Variants in MYRFL observed in about 807,000 individuals in gnomAD.
MYRFL encodes myelin regulatory factor-like protein.
MYRFL carries 88 observed loss-of-function variants against 109.4 expected under a neutral mutation model. That is an observed-to-expected ratio of 0.80 (90% CI 0.68 to 0.96). The LOEUF (loss-of-function observed/expected upper bound fraction) is 0.96, where lower values mean the gene tolerates loss of function less well. Among genes scored for constraint, MYRFL ranks in the 40% least tolerant of loss-of-function variants. The pLI is 0.00. For synonymous variants in MYRFL, 324 were observed against 320.9 expected, an observed-to-expected ratio of 1.01 and a Z score of -0.10; for missense variants, 957 against 954.9, an observed-to-expected ratio of 1.00 and a Z score of -0.03.
intron 2 of MYRFL, among the ~76,000 whole-genome samples, chr12:69,857,324 T>C (rs1884357720): frequency 6.6e-6 from 1 of 151,928 alleles, no homozygotes; most frequent in Admixed American, 6.6e-5. Flanking sequence ...AATAATATAG[T>C]GTAAGTCCTC....
intron 10 of MYRFL, among the ~76,000 whole-genome samples, chr12:69,899,531 T>G (rs367743233): frequency 3.9e-5 from 6 of 152,254 alleles, no homozygotes; most frequent in African/African-American, 1.4e-4. Context: ...GGAAGAAAAA[T>G]TTGACAAAGA....
intron 13 of MYRFL, among the ~76,000 whole-genome samples, chr12:69,917,585 G>T (rs1307877978): frequency 6.6e-6 from 1 of 151,864 alleles, no homozygotes; most frequent in East Asian, 1.9e-4. Context: ...ACTGCCTTAG[G>T]CCTCTGCATA....
At chr12:69,893,012 A>G (rs1360587057) in intron 7 of MYRFL, among the ~76,000 whole-genome samples, 1 of 152,240 alleles carries the variant, frequency 6.6e-6, no homozygotes, top group Non-Finnish European at 1.5e-5. Flanking sequence ...CCTTATTATT[A>G]GAAGTTTTGT....
intron 7 of MYRFL, 35 bp from the exon 8 acceptor site, chr12:69,893,729 T>C: frequency 8.2e-7 from 1 of 1,224,232 alleles, no homozygotes; most frequent in Middle Eastern, 2.1e-4. Context: ...TTTAATTAAT[T>C]AATTAATTAG....
chr12:69,879,564 G>A, intron 4 of MYRFL, 111 bp downstream of exon 4: 1 of 602,948 alleles, frequency 1.7e-6, no homozygotes, highest in Non-Finnish European at 3.0e-6. Context: ...CCAGGAGATG[G>A]CAGTGTTGAG....
rs142903164 is a variant in MYRFL, at chr12:69,901,975, C to T, written c.1183-1669C>T. Among the ~76,000 whole-genome samples, 33 of 150,880 alleles carry T rather than the reference C, an allele frequency of 2.2e-4. No homozygotes were observed. In the East Asian group the frequency reaches 6.2e-3, roughly 28 times the overall value. ...GTGGCATGATCTCAGCTCACTGCAA[C>T]CCCTGCCTCCTGAGTTAAAGTGATC... is the stretch of plus-strand genomic sequence containing the variant. On this transcript the variant is annotated intron_variant, in intron 10 of 24. Coordinates refer to ENST00000552032, the MANE Select transcript of MYRFL (RefSeq NM_182530.3).
At position 69,958,297 on chromosome 12, in the gene MYRFL, A is replaced by G. The variant is rs564594009; in HGVS notation, c.2620A>G (p.Met874Val). The G allele has an allele frequency of 6.9e-5, 106 of 1,536,326 alleles. No individual in the cohort carries two copies. Among genetic ancestry groups the G allele is most frequent in the Middle Eastern group, 1.7e-4 (1 of 6,016 alleles). ...SLPVAPFSDS[M>V]FHFRVAAPDL... ...CCCTGTAGCCCCATTTTCTGACAGCATGTTCCATTTCCGTGTAGCTGCACC... is the reference window on the plus strand; with the variant it reads ...CCCTGTAGCCCCATTTTCTGACAGCGTGTTCCATTTCCGTGTAGCTGCACC... The change falls in exon 24 of 25, where the codon ATG becomes GTG. Residue 874 changes from methionine (M) to valine (V), a missense_variant. Transcript: ENST00000552032.
intron 14 of MYRFL, among the ~76,000 whole-genome samples, 199 bp downstream of exon 14, chr12:69,926,933 G>GTTTTTTTT (rs1491453128): frequency 9.6e-5 from 3 of 31,394 alleles, no homozygotes; most frequent in Admixed American, 5.5e-4. Flanking sequence ...TCTGTTGCTG[G>GTTTTTTTT]TTTTTTTTTT....
At chr12:69,846,968 A>G (rs1240266) in intron 1 of MYRFL, among the ~76,000 whole-genome samples, 32,683 of 151,452 alleles carry the variant, frequency 0.22, 4,023 homozygotes, top group Middle Eastern at 0.35. Flanking sequence ...GCATTTTTTC[A>G]TGTGTTTTTT....
chr12:69,950,387 G>C (rs1955945808), intron 19 of MYRFL, among the ~76,000 whole-genome samples: 1 of 152,100 alleles, frequency 6.6e-6, no homozygotes, highest in African/African-American at 2.4e-5. Context: ...ACTCTAAAGG[G>C]ATTATTCTAT....
intron 2 of MYRFL, among the ~76,000 whole-genome samples, chr12:69,862,714 C>G (rs2136325458): frequency 6.6e-6 from 1 of 152,234 alleles, no homozygotes; most frequent in East Asian, 1.9e-4. Flanking sequence ...ATCTGACTTC[C>G]TCTTTTCCTA....
chr12:69,932,407 A>G, intron 15 of MYRFL, 106 bp from the exon 16 acceptor site: 3 of 712,294 alleles, frequency 4.2e-6, no homozygotes, highest in Non-Finnish European at 7.2e-6. Flanking sequence ...CACTCAAACT[A>G]TCCCAAGAGA....
intron 19 of MYRFL, among the ~76,000 whole-genome samples, chr12:69,939,580 AC>A (rs1379651801): frequency 2.6e-5 from 4 of 152,260 alleles, no homozygotes; most frequent in African/African-American, 9.6e-5. Flanking sequence ...GAAAAAAACC[AC>A]AAAGATGGGG....
chr12:69,825,311 A>G lies in MYRFL; in HGVS notation c.-207A>G. 2.9e-6 allele frequency: 2 copies of G among 693,922 alleles called. No homozygotes were observed. The highest frequency in any genetic ancestry group is 2.6e-6 in the Non-Finnish European group (1 of 379,804). The allele number at this position is 693,922 out of a possible 1,614,324, so 43.0% of individuals were successfully genotyped here. A position where few individuals can be genotyped will look rare whatever the true frequency, so the allele number is the denominator to read the frequency against. ...GAATTTTTTTTAAATGTATGGTTGT[A>G]TATCCTTCCAGTTTTATAATCACAT... On this transcript the variant is annotated 5_prime_UTR_variant, in exon 1 of 25. Coordinates refer to ENST00000552032, the MANE Select transcript of MYRFL (RefSeq NM_182530.3).
At chr12:69,888,046 C>T (rs1385698111) in intron 6 of MYRFL, among the ~76,000 whole-genome samples, 3 of 152,130 alleles carry the variant, frequency 2.0e-5, no homozygotes, top group Non-Finnish European at 4.4e-5. Flanking sequence ...TAACTGCTTC[C>T]CAGGCTCTAT....
chr12:69,890,407 T>C (rs1435637563), intron 6 of MYRFL, among the ~76,000 whole-genome samples: 1 of 152,142 alleles, frequency 6.6e-6, no homozygotes, highest in Non-Finnish European at 1.5e-5. Context: ...GGAAAGGCAA[T>C]CTGAAAAAAA....
At chr12:69,908,509 G>A (rs1235773255) in intron 11 of MYRFL, among the ~76,000 whole-genome samples, 1 of 152,186 alleles carries the variant, frequency 6.6e-6, no homozygotes, top group African/African-American at 2.4e-5. Flanking sequence ...GAAAGTGAAA[G>A]GAGCAGAGTT....
intron 12 of MYRFL, 69 bp downstream of exon 12, chr12:69,910,146 T>C: frequency 9.8e-7 from 1 of 1,023,000 alleles, no homozygotes; most frequent in South Asian, 1.7e-5. Flanking sequence ...CTCTTTATTT[T>C]GAGGTTATGT....
chr12:69,923,168 A>G (rs1372196637), intron 13 of MYRFL, among the ~76,000 whole-genome samples: 1 of 152,196 alleles, frequency 6.6e-6, no homozygotes, highest in African/African-American at 2.4e-5. Flanking sequence ...TTGGCCAATG[A>G]GAGCTTCTTC....
Sources: gnomAD v4.1 joint callset for allele counts (sites outside exome capture counted in the v4.1 genomes callset) on GRCh38, gnomAD v4.1.1 for gene constraint, MANE v1.5 for transcripts, NCBI Gene and HGNC (gene_info 2026-07-23, HGNC 2026-07-21) for gene names.